LRP6: variants seen among roughly 807,000 people sequenced by gnomAD.
The protein encoded by LRP6 is LDL receptor related protein 6, also known as low-density lipoprotein receptor-related protein 6.
Under a neutral mutation model 184.1 loss-of-function variants are expected in LRP6, and 43 were observed. That is an observed-to-expected ratio of 0.23 (90% CI 0.18 to 0.30). The LOEUF (loss-of-function observed/expected upper bound fraction) is 0.30, where lower values mean the gene tolerates loss of function less well. Among genes scored for constraint, LRP6 ranks in the 10% least tolerant of loss-of-function variants. The pLI, the probability that LRP6 is intolerant of heterozygous loss-of-function variation, is 1.00. For synonymous variants in LRP6, 719 were observed against 684.9 expected (o/e 1.05, Z -0.78); for missense variants, 1,571 against 2,005.3 (o/e 0.78, Z 4.14).
intron 21 of LRP6, among the ~76,000 whole-genome samples, chr12:12,125,083 C>T (rs1342540000): frequency 1.3e-5 from 2 of 152,008 alleles, no homozygotes; most frequent in Non-Finnish European, 2.9e-5. Context: ...AAATTAATGC[C>T]CAGTGCTTTC....
rs1273833314 is a variant in LRP6 at position 12,261,815 on chromosome 12, T to C, written c.55+4866A>G. On this transcript the variant is annotated intron_variant, in intron 1 of 22. Transcript: ENST00000261349. ...TTCCCCAAGACTTTATAACACCTGA[T>C]TTTAAAGGAAGAAAGGATCGCTTCT... Among the ~76,000 whole-genome samples, 3 of 152,208 alleles carry C rather than the reference T, an allele frequency of 2.0e-5. No individual in the cohort carries two copies. In the East Asian group the frequency reaches 5.8e-4, roughly 29 times the overall value.
chr12:12,153,664 A>G lies in LRP6; in HGVS notation c.2792-2626T>C, dbSNP rs77453920. On this transcript the variant is annotated intron_variant, in intron 12 of 22. Transcript: ENST00000261349. ...TGTTTAAAATGACAAAGAATATGCCATTTTAAAAGCCTAAATCCACCCTAT... is the reference window on the plus strand; with the variant it reads ...TGTTTAAAATGACAAAGAATATGCCGTTTTAAAAGCCTAAATCCACCCTAT... Among the ~76,000 whole-genome samples the G allele has an allele frequency of 6.1e-3, 932 of 152,336 alleles. 8 individuals are homozygous for G. The highest frequency in any genetic ancestry group is 0.021 in the African/African-American group (890 of 41,578).
At position 12,138,704 on chromosome 12, in the gene LRP6, C is replaced by T. The variant is rs7980903; in HGVS notation, c.3398-170G>A. 0.82 allele frequency: 1,117,001 copies of T among 1,354,246 alleles called. 461,697 individuals are homozygous for T. The highest frequency in any genetic ancestry group is 0.94 in the East Asian group (37,740 of 40,176). 83.9% of individuals were successfully genotyped at this position (1,354,246 alleles called of 1,614,324 possible). ...GGTAAGACATACACTAGAAAACAGC[C>T]AATAAACTAGATATTAATATGCAAT... is the stretch of plus-strand genomic sequence containing the variant. On this transcript the variant is annotated intron_variant, in intron 15 of 22. Coordinates refer to ENST00000261349, the MANE Select transcript of LRP6 (RefSeq NM_002336.3).
At chr12:12,185,953 C>T (rs1863460942) in intron 4 of LRP6, among the ~76,000 whole-genome samples, 1 of 151,198 alleles carries the variant, frequency 6.6e-6, no homozygotes, top group African/African-American at 2.4e-5. Flanking sequence ...TCAAGCGATT[C>T]TCCAGCCTCA....
At chr12:12,148,272 C>T (rs865843427) in intron 14 of LRP6, among the ~76,000 whole-genome samples, 5 of 151,598 alleles carry the variant, frequency 3.3e-5, no homozygotes, top group Admixed American at 1.3e-4. Context: ...CTAGAGAGAC[C>T]TTAACACAAA....
rs1949659593 is a variant in LRP6 at position 12,125,402 on chromosome 12, G to T, written c.4343C>A (p.Ser1448Tyr). 1 of 1,614,000 alleles carries T rather than the reference G, an allele frequency of 6.2e-7. No individual in the cohort carries two copies. Among genetic ancestry groups the T allele is most frequent in the Admixed American group, 1.7e-5 (1 of 59,998 alleles). Reference sequence around the variant, plus strand: ...ACTGCTTCCCCCCATGATACTGAGGGAGCTGATCATTGATTTACCTCGAGA... The same window carrying T: ...ACTGCTTCCCCCCATGATACTGAGGTAGCTGATCATTGATTTACCTCGAGA... ...GMSRGKSMISSLSIMGGSSGP... is the reference protein window; with the variant it reads ...GMSRGKSMISYLSIMGGSSGP... The change falls in exon 21 of 23, where the codon TCC becomes TAC. Residue 1448 changes from serine to tyrosine, a missense_variant. Ser to Tyr is a moderately radical substitution (Grantham distance 144, BLOSUM62 -2). Around this residue, in one of 4 missense-constraint regions of LRP6, gnomAD observed 763 missense variants for 859.5 expected, o/e 0.89. Transcript: ENST00000261349.
intron 2 of LRP6, among the ~76,000 whole-genome samples, chr12:12,240,670 A>G (rs1223552758): frequency 2.6e-5 from 4 of 152,206 alleles, no homozygotes; most frequent in African/African-American, 7.2e-5. Context: ...TTGAATCATT[A>G]AAGTTTAACT....
chr12:12,250,605 T>C (rs575334269), intron 1 of LRP6, among the ~76,000 whole-genome samples: 2 of 152,238 alleles, frequency 1.3e-5, no homozygotes, highest in South Asian at 2.1e-4. Context: ...AGAAATATCA[T>C]ATACATATTT....
intron 3 of LRP6, among the ~76,000 whole-genome samples, chr12:12,188,170 C>T (rs1043251713): frequency 4.1e-5 from 6 of 146,792 alleles, no homozygotes; most frequent in Middle Eastern, 6.9e-3. Flanking sequence ...GAGATCGCGC[C>T]ACTGCACTCC....
intron 1 of LRP6, among the ~76,000 whole-genome samples, chr12:12,245,374 A>G (rs1019659679): frequency 9.9e-5 from 15 of 152,224 alleles, no homozygotes; most frequent in African/African-American, 3.4e-4. Flanking sequence ...ACAAAAGGCA[A>G]ACTTTTGTAA....
chr12:12,158,780 ATGC>A (rs1862662404), intron 12 of LRP6, 46 bp downstream of exon 12: 1 of 1,573,934 alleles, frequency 6.4e-7, no homozygotes. Flanking sequence ...TACTTTGAAA[ATGC>A]TGCTTTCTCT....
At chr12:12,265,672 C>A (rs1222752005) in intron 1 of LRP6, among the ~76,000 whole-genome samples, 2 of 152,170 alleles carry the variant, frequency 1.3e-5, no homozygotes, top group Non-Finnish European at 2.9e-5. Context: ...TACTTAAATT[C>A]CTCTGCTGGT....
chr12:12,266,479 C>T (rs1865766357), intron 1 of LRP6, among the ~76,000 whole-genome samples: 1 of 152,122 alleles, frequency 6.6e-6, no homozygotes, highest in Non-Finnish European at 1.5e-5. Flanking sequence ...GTCTGGGAAG[C>T]CAGGCCAGGT....
chr12:12,198,368 G>A (rs1244723031), intron 3 of LRP6, among the ~76,000 whole-genome samples: 1 of 151,580 alleles, frequency 6.6e-6, no homozygotes, highest in Non-Finnish European at 1.5e-5. Flanking sequence ...ATCATCTTTT[G>A]TCTTTCTGTA....
At chr12:12,155,461 T>TCA in intron 12 of LRP6, 4 of 963,334 alleles carry the variant, frequency 4.2e-6, no homozygotes, top group Admixed American at 1.7e-5. Context: ...TCTACAATGT[T>TCA]ACCCAGCATG....
chr12:12,222,556 G>A (rs1365216537), intron 2 of LRP6, among the ~76,000 whole-genome samples: 1 of 131,432 alleles, frequency 7.6e-6, no homozygotes, highest in African/African-American at 2.7e-5. Context: ...GAGAAAGCAA[G>A]ACTCCGTCTC....
At chr12:12,259,397 C>A (rs890121564) in intron 1 of LRP6, among the ~76,000 whole-genome samples, 1 of 151,990 alleles carries the variant, frequency 6.6e-6, no homozygotes, top group Non-Finnish European at 1.5e-5. Context: ...TTTCATTTTG[C>A]ATCCCCAATC....
At chr12:12,260,121 G>C (rs1328676166) in intron 1 of LRP6, among the ~76,000 whole-genome samples, 2 of 152,128 alleles carry the variant, frequency 1.3e-5, no homozygotes, top group African/African-American at 4.8e-5. Flanking sequence ...GTTCACGCCT[G>C]TAATCCCAGC....
chr12:12,192,991 T>C (rs962176690), intron 3 of LRP6, among the ~76,000 whole-genome samples: 2 of 151,994 alleles, frequency 1.3e-5, no homozygotes, highest in African/African-American at 4.8e-5. Context: ...AGAATTAATC[T>C]TAAAAGACTG....
Sources: gnomAD v4.1 joint callset for allele counts (sites outside exome capture counted in the v4.1 genomes callset) on GRCh38, gnomAD v4.1.1 for gene constraint, gnomAD v4.1.1 regional missense constraint, MANE v1.5 for transcripts, NCBI Gene and HGNC (gene_info 2026-07-23, HGNC 2026-07-21) for gene names.